The following LRBA variants were observed in gnomAD, a reference collection of about 807,000 sequenced individuals.
The protein encoded by LRBA is LPS responsive beige-like anchor protein.
A neutral mutation model predicts 330.0 loss-of-function variants in LRBA; 176 were observed. That is an observed-to-expected ratio of 0.53 (90% CI 0.47 to 0.60). LRBA has a LOEUF of 0.60. LRBA is among the 20% of genes least tolerant of loss of function. LRBA has a pLI of 0.00. For missense variants in LRBA, 3,259 were observed against 3,444.8 expected (o/e 0.95, Z 1.35); for synonymous variants, 1,230 against 1,193.0 (o/e 1.03, Z -0.64).
At chr4:150,449,079 A>T (rs1753024537) in intron 44 of LRBA, among the ~76,000 whole-genome samples, 1 of 152,070 alleles carries the variant, frequency 6.6e-6, no homozygotes, top group Non-Finnish European at 1.5e-5. Context: ...ACAAAACAGA[A>T]ATCAAAATCC....
Position 150,435,982 on chromosome 4 carries a change from C to T in LRBA, c.6922-274G>A, listed in dbSNP as rs13130993. ...CCAAGAATAATGTATTAATATCATACAGACATAAATTAGATGTATTTTCTT... is the reference window on the plus strand; with the variant it reads ...CCAAGAATAATGTATTAATATCATATAGACATAAATTAGATGTATTTTCTT... On this transcript the variant is annotated intron_variant, in intron 45 of 56. Coordinates refer to ENST00000651943, the MANE Select transcript of LRBA (RefSeq NM_001364905.1). 0.055 allele frequency among the ~76,000 whole-genome samples: 8,308 copies of T among 152,124 alleles called. 332 individuals carry two copies. Among genetic ancestry groups the T allele is most frequent in the Middle Eastern group, 0.13 (37 of 294 alleles).
intron 34 of LRBA, among the ~76,000 whole-genome samples, chr4:150,787,484 A>T (rs1201471611): frequency 6.6e-6 from 1 of 152,160 alleles, no homozygotes; most frequent in Non-Finnish European, 1.5e-5. Flanking sequence ...CTAGTTAAAA[A>T]CTTCCTAGCA....
At chr4:150,842,836 T>C (rs189823861) in intron 28 of LRBA, among the ~76,000 whole-genome samples, 43 of 151,726 alleles carry the variant, frequency 2.8e-4, no homozygotes, top group Admixed American at 1.2e-3. Flanking sequence ...ACAGCATTGG[T>C]CCCCAACCTT....
At chr4:150,331,810 C>A (rs948819927) in intron 48 of LRBA, among the ~76,000 whole-genome samples, 1 of 152,168 alleles carries the variant, frequency 6.6e-6, no homozygotes, top group Non-Finnish European at 1.5e-5. Flanking sequence ...CAAATCCTTA[C>A]CCTGGGTAGC....
At chr4:150,549,541 C>A (rs1268316019) in intron 40 of LRBA, among the ~76,000 whole-genome samples, 1 of 152,078 alleles carries the variant, frequency 6.6e-6, no homozygotes, top group African/African-American at 2.4e-5. Flanking sequence ...CCGTGTTAGC[C>A]AGGATGGTCT....
chr4:150,772,218 C>G (rs945089643), intron 34 of LRBA, among the ~76,000 whole-genome samples: 3 of 152,174 alleles, frequency 2.0e-5, no homozygotes, highest in Non-Finnish European at 4.4e-5. Flanking sequence ...CAAAAAAGGG[C>G]TGTAGTGCTC....
chr4:150,369,090 T>C (rs1267575726), intron 47 of LRBA, among the ~76,000 whole-genome samples: 1 of 152,178 alleles, frequency 6.6e-6, no homozygotes, highest in Non-Finnish European at 1.5e-5. Context: ...TCAATATTCC[T>C]AGTAGATAAA....
intron 28 of LRBA, among the ~76,000 whole-genome samples, chr4:150,832,984 C>G (rs1423536612): frequency 6.6e-6 from 1 of 152,104 alleles, no homozygotes; most frequent in African/African-American, 2.4e-5. Flanking sequence ...TTATGTAGCT[C>G]AGGCTGGTCT....
At chr4:150,920,152 G>A (rs1404865888) in intron 5 of LRBA, among the ~76,000 whole-genome samples, 3 of 152,076 alleles carry the variant, frequency 2.0e-5, no homozygotes, top group African/African-American at 7.2e-5. Context: ...TGCAGATACT[G>A]CCAGGCTACA....
At chr4:151,013,196 G>T (rs910788640) in intron 2 of LRBA, 1 of 152,202 alleles carries the variant, frequency 6.6e-6, no homozygotes, top group African/African-American at 2.4e-5. Context: ...AGAGGCAAAG[G>T]GAAAGGTGCT....
chr4:150,703,293 A>G (rs1785293748), intron 36 of LRBA, among the ~76,000 whole-genome samples: 1 of 152,252 alleles, frequency 6.6e-6, no homozygotes, highest in South Asian at 2.1e-4. Flanking sequence ...GGATACAAAC[A>G]GAAGGTAATT....
intron 36 of LRBA, among the ~76,000 whole-genome samples, chr4:150,733,010 C>A (rs926542705): frequency 4.6e-5 from 7 of 152,002 alleles, no homozygotes; most frequent in African/African-American, 1.7e-4. Context: ...TATTTTCCCA[C>A]ATTAACTGAA....
At chr4:150,615,887 A>T (rs559211619) in intron 37 of LRBA, among the ~76,000 whole-genome samples, 81 of 152,250 alleles carry the variant, frequency 5.3e-4, no homozygotes, top group Middle Eastern at 3.4e-3. Context: ...TTCCACATAC[A>T]ACTGGCCATG....
At chr4:150,619,642 A>C (rs2126621153) in intron 37 of LRBA, among the ~76,000 whole-genome samples, 1 of 152,304 alleles carries the variant, frequency 6.6e-6, no homozygotes, top group African/African-American at 2.4e-5. Flanking sequence ...TAAGATTATA[A>C]GTAGGCTGTA....
intron 48 of LRBA, among the ~76,000 whole-genome samples, chr4:150,341,412 C>A (rs529453802): frequency 1.9e-4 from 29 of 152,242 alleles, no homozygotes; most frequent in Non-Finnish European, 3.4e-4. Flanking sequence ...AAGCAGTCCT[C>A]CTGCCTCAGC....
At chr4:150,820,359 T>TA (rs1451100774) in intron 30 of LRBA, among the ~76,000 whole-genome samples, 1 of 151,972 alleles carries the variant, frequency 6.6e-6, no homozygotes, top group East Asian at 1.9e-4. Context: ...AATATACAGT[T>TA]AAGAGATTTT....
intron 2 of LRBA, among the ~76,000 whole-genome samples, chr4:151,001,904 C>T (rs1004786640): frequency 3.9e-5 from 6 of 152,062 alleles, no homozygotes; most frequent in African/African-American, 7.2e-5. Flanking sequence ...CCAAACATGG[C>T]ACCTCAGTCC....
At chr4:150,640,446 T>A (rs1296218063) in intron 37 of LRBA, among the ~76,000 whole-genome samples, 2 of 152,222 alleles carry the variant, frequency 1.3e-5, no homozygotes, top group East Asian at 3.9e-4. Context: ...CATATATTTT[T>A]AAATATTTTA....
At chr4:150,333,203 A>G (rs1287752947) in intron 48 of LRBA, among the ~76,000 whole-genome samples, 1 of 152,162 alleles carries the variant, frequency 6.6e-6, no homozygotes, top group African/African-American at 2.4e-5. Flanking sequence ...AACTCAGTAC[A>G]GCACTTAGTA....
Sources: gnomAD v4.1 joint callset for allele counts (sites outside exome capture counted in the v4.1 genomes callset) on GRCh38, gnomAD v4.1.1 for gene constraint, MANE v1.5 for transcripts, NCBI Gene and HGNC (gene_info 2026-07-23, HGNC 2026-07-21) for gene names.